VPS53: variants seen among roughly 807,000 people sequenced by gnomAD.
The protein encoded by VPS53 is vacuolar protein sorting-associated protein 53 homolog.
VPS53 carries 70 observed loss-of-function variants against 107.0 expected under a neutral mutation model. That is an observed-to-expected ratio of 0.65 (90% CI 0.54 to 0.80). VPS53 has a LOEUF of 0.80. Ranked by LOEUF, VPS53 falls within the 30% of genes least tolerant of loss-of-function variation. The probability of loss-of-function intolerance (pLI) is 0.00; values close to 1 mark genes in which losing one functional copy is unlikely to be tolerated. For missense variants in VPS53, 917 were observed against 1,049.4 expected (o/e 0.87, Z 1.74); for synonymous variants, 409 against 393.3 (o/e 1.04, Z -0.47).
rs961209239 is a variant in VPS53, at chr17:513,543, G to A, written c.*5585C>T. 6.6e-6 allele frequency: 1 copy of A among 152,246 alleles called. No individual in the cohort carries two copies. The highest frequency in any genetic ancestry group is 2.4e-5 in the African/African-American group (1 of 41,456). 9.4% of individuals were successfully genotyped at this position (152,246 alleles called of 1,614,324 possible). ...AGCTCTATTTTATTTTTAGGAATCTGACTTGGAGTAGACGAGAAGTGTGAG... is the reference window on the plus strand; with the variant it reads ...AGCTCTATTTTATTTTTAGGAATCTAACTTGGAGTAGACGAGAAGTGTGAG... On this transcript the variant is annotated 3_prime_UTR_variant, in exon 22 of 22. Transcript: ENST00000437048.
rs1455445240 is a variant in VPS53, at chr17:714,611, C to CG, written c.87+11dup. On this transcript the variant is annotated intron_variant, in intron 1 of 21. Coordinates refer to ENST00000437048, the MANE Select transcript of VPS53 (RefSeq NM_001128159.3). ...CACTCCCGTTTCCCCTCCTGAGGGG[C>CG]GGAACGCTTACCTGCTCGATGGCCA... 5.0e-6 allele frequency: 8 copies of CG among 1,606,736 alleles called. No homozygotes were observed. The highest frequency in any genetic ancestry group is 1.7e-4 in the Middle Eastern group (1 of 6,024).
chr17:569,183 G>A (rs908028062), intron 13 of VPS53, among the ~76,000 whole-genome samples: 9 of 152,164 alleles, frequency 5.9e-5, no homozygotes, highest in Admixed American at 3.9e-4. Flanking sequence ...AGGATGAAGA[G>A]CCAGCTTTAA....
chr17:591,425 T>C (rs1319767675), intron 12 of VPS53, among the ~76,000 whole-genome samples: 1 of 152,176 alleles, frequency 6.6e-6, no homozygotes, highest in Non-Finnish European at 1.5e-5. Context: ...TGCTAGCTTT[T>C]GAATGTGTTT....
intron 9 of VPS53, 138 bp downstream of exon 9, chr17:627,950 A>G: frequency 1.2e-6 from 1 of 806,756 alleles, no homozygotes; most frequent in Non-Finnish European, 1.9e-6. Flanking sequence ...CTATAAACTC[A>G]GCCCCTAGGA....
chr17:538,885 TC>T (rs1910343253), intron 17 of VPS53: 1 of 152,374 alleles, frequency 6.6e-6, no homozygotes, highest in Admixed American at 6.5e-5. Flanking sequence ...TTCCTCATTA[TC>T]TTTTATCTTA....
intron 13 of VPS53, among the ~76,000 whole-genome samples, chr17:581,839 C>T (rs1201845900): frequency 2.0e-5 from 3 of 151,642 alleles, no homozygotes; most frequent in East Asian, 2.0e-4. Context: ...GACCTCAATG[C>T]GTTCCCAGAG....
In VPS53 at chr17:675,461, A is replaced by G. The variant is rs1972112550; in HGVS notation, c.286-13566T>C. The G allele has an allele frequency of 2.0e-5, 3 of 152,328 alleles. No homozygotes were observed. In the South Asian group the frequency reaches 6.2e-4, roughly 32 times the overall value. 9.4% of individuals were successfully genotyped at this position (152,328 alleles called of 1,614,324 possible). A position where few individuals can be genotyped will look rare whatever the true frequency, so the allele number is the denominator to read the frequency against. On this transcript the variant is annotated intron_variant, in intron 4 of 21. Coordinates refer to ENST00000437048, the MANE Select transcript of VPS53 (RefSeq NM_001128159.3). Reference sequence around the variant, plus strand: ...AAATACACCTTTTCTCCTGCTTTAAAGACAGAATTTGAATCATCAAACTTA... The same window carrying G: ...AAATACACCTTTTCTCCTGCTTTAAGGACAGAATTTGAATCATCAAACTTA...
rs1434710048 is a variant in VPS53 at position 508,879 on chromosome 17, T to C, written c.*10249A>G. On this transcript the variant is annotated 3_prime_UTR_variant, in exon 22 of 22. Coordinates refer to ENST00000437048, the MANE Select transcript of VPS53 (RefSeq NM_001128159.3). ...GTGCTTCCTATTTGCTGGAATAGTTTTCAATGCTTTTACTGATTTCTTCTG... is the reference window on the plus strand; with the variant it reads ...GTGCTTCCTATTTGCTGGAATAGTTCTCAATGCTTTTACTGATTTCTTCTG... 6.6e-6 allele frequency: 1 copy of C among 152,242 alleles called. No homozygotes were observed. The highest frequency in any genetic ancestry group is 1.5e-5 in the Non-Finnish European group (1 of 68,042). The allele number at this position is 152,242 out of a possible 1,614,324, so 9.4% of individuals were successfully genotyped here. A position where few individuals can be genotyped will look rare whatever the true frequency, so the allele number is the denominator to read the frequency against.
chr17:604,653 G>A (rs984488238), intron 11 of VPS53, among the ~76,000 whole-genome samples: 14 of 152,264 alleles, frequency 9.2e-5, no homozygotes, highest in South Asian at 2.1e-4. Context: ...CATGTTGCCT[G>A]GGCTGGTCTG....
At chr17:637,978 T>C (rs751728824) in intron 7 of VPS53, among the ~76,000 whole-genome samples, 34 of 152,350 alleles carry the variant, frequency 2.2e-4, no homozygotes, top group African/African-American at 7.2e-4. Flanking sequence ...TCTTGTTAAC[T>C]TTCTGTCTCA....
intron 7 of VPS53, among the ~76,000 whole-genome samples, chr17:651,953 T>A (rs1970968496): frequency 1.3e-5 from 2 of 151,966 alleles, no homozygotes; most frequent in African/African-American, 4.8e-5. Context: ...AAGAATAAGG[T>A]TGGGGGGAAA....
chr17:710,814 G>C (rs762668701), intron 1 of VPS53, among the ~76,000 whole-genome samples: 3 of 151,912 alleles, frequency 2.0e-5, no homozygotes, highest in Non-Finnish European at 4.4e-5. Flanking sequence ...TGGTGTTGGC[G>C]CACACCTGTA....
In VPS53 at chr17:566,962, G is replaced by A. The variant is rs373272350; in HGVS notation, c.1314-4217C>T. 2.2e-3 allele frequency among the ~76,000 whole-genome samples: 328 copies of A among 152,128 alleles called. 1 individual carries two copies. The highest frequency in any genetic ancestry group is 7.4e-3 in the African/African-American group (307 of 41,500). ...GGGGTTTCACCATCTTGGCCAGGCT[G>A]GTCTTGAACTCCTGACCTAGTGATC... On this transcript the variant is annotated intron_variant, in intron 13 of 21. Transcript: ENST00000437048.
At chr17:573,686 T>G (rs56773919) in intron 13 of VPS53, among the ~76,000 whole-genome samples, 1,672 of 152,122 alleles carry the variant, frequency 0.011, 27 homozygotes, top group African/African-American at 0.034. Flanking sequence ...GGCCTTATGA[T>G]CCTCACAGTG....
intron 19 of VPS53, among the ~76,000 whole-genome samples, chr17:529,969 G>A (rs1006030658): frequency 1.3e-5 from 2 of 151,260 alleles, no homozygotes; most frequent in African/African-American, 4.9e-5. Context: ...CCCACGAATT[G>A]AGACTGCAGT....
chr17:540,681 G>A (rs1268309002), intron 17 of VPS53: 1 of 152,158 alleles, frequency 6.6e-6, no homozygotes, highest in Non-Finnish European at 1.5e-5. Flanking sequence ...TGTTTTGGGG[G>A]CTTGGGTAGA....
chr17:539,817 C>T (rs1326700328), intron 17 of VPS53, among the ~76,000 whole-genome samples: 1 of 152,184 alleles, frequency 6.6e-6, no homozygotes, highest in African/African-American at 2.4e-5. Context: ...ATTTACTATT[C>T]ATACATGATC....
At chr17:542,743 C>A (rs1910795511) in intron 17 of VPS53, among the ~76,000 whole-genome samples, 1 of 152,038 alleles carries the variant, frequency 6.6e-6, no homozygotes, top group East Asian at 1.9e-4. Context: ...GTTTGGGAGG[C>A]CAAGGCAGGT....
chr17:680,505 A>T (rs961500745), intron 4 of VPS53, among the ~76,000 whole-genome samples: 1 of 152,178 alleles, frequency 6.6e-6, no homozygotes, highest in East Asian at 1.9e-4. Context: ...AGGAAAAAAA[A>T]ACTTAAACAA....
Sources: allele counts gnomAD v4.1 joint callset (sites outside exome capture counted in the v4.1 genomes callset), GRCh38; gene constraint gnomAD v4.1.1; transcripts MANE v1.5; gene names NCBI Gene and HGNC (gene_info 2026-07-23, HGNC 2026-07-21).